The following DPYD variants were observed in gnomAD, a reference collection of about 807,000 sequenced individuals.
DPYD encodes dihydropyrimidine dehydrogenase, also known as dihydropyrimidine dehydrogenase [NADP(+)].
In DPYD, 109 loss-of-function variants were observed where a neutral mutation model predicts 116.2. The observed-to-expected ratio is 0.94, with a 90% CI of 0.80 to 1.10. The LOEUF is 1.10. Ranked by LOEUF, DPYD falls within the 50% of genes least tolerant of loss-of-function variation. DPYD has a pLI of 0.00. For synonymous variants in DPYD, 440 were observed against 432.0 expected, an observed-to-expected ratio of 1.02 and a Z score of -0.23; for missense variants, 1,302 against 1,254.5, an observed-to-expected ratio of 1.04 and a Z score of -0.57.
intron 18 of DPYD, among the ~76,000 whole-genome samples, chr1:97,275,528 G>A (rs1029066800): frequency 5.9e-5 from 9 of 152,144 alleles, no homozygotes; most frequent in South Asian, 2.1e-4. Context: ...TAAACTCTGC[G>A]TAATAGTAGT....
intron 12 of DPYD, among the ~76,000 whole-genome samples, chr1:97,529,041 C>T (rs753126631): frequency 6.6e-6 from 1 of 152,186 alleles, no homozygotes; most frequent in Non-Finnish European, 1.5e-5. Context: ...ATCATAGTCA[C>T]ATGTGCCTTC....
chr1:97,680,359 C>G (rs1017674470), intron 7 of DPYD, among the ~76,000 whole-genome samples: 2 of 152,130 alleles, frequency 1.3e-5, no homozygotes, highest in African/African-American at 4.8e-5. Flanking sequence ...ACCAGCCTGT[C>G]CCCTGCCAAC....
chr1:97,505,034 T>C (rs567274575), intron 13 of DPYD, among the ~76,000 whole-genome samples: 60 of 152,106 alleles, frequency 3.9e-4, no homozygotes, highest in Non-Finnish European at 6.0e-4. Flanking sequence ...CCTTTTAATA[T>C]TTGAAGAACA....
intron 21 of DPYD, among the ~76,000 whole-genome samples, chr1:97,091,725 A>G (rs1376015696): frequency 2.6e-5 from 4 of 152,142 alleles, no homozygotes; most frequent in Non-Finnish European, 5.9e-5. Flanking sequence ...TTTTCATTTA[A>G]AACAATGGAG....
chr1:97,647,562 A>C (rs1658339989), intron 8 of DPYD, among the ~76,000 whole-genome samples: 1 of 152,022 alleles, frequency 6.6e-6, no homozygotes, highest in Admixed American at 6.6e-5. Context: ...TTGAAGGGAA[A>C]TATATATACA....
chr1:97,565,734 A>G (rs751624142), intron 11 of DPYD, among the ~76,000 whole-genome samples: 87 of 152,182 alleles, frequency 5.7e-4, no homozygotes, highest in Non-Finnish European at 1.0e-3. Context: ...CCTGAAGGGC[A>G]ATGACTCTTT....
intron 20 of DPYD, among the ~76,000 whole-genome samples, chr1:97,138,845 CT>C (rs1416911547): frequency 1.3e-5 from 2 of 152,114 alleles, no homozygotes; most frequent in Non-Finnish European, 2.9e-5. Flanking sequence ...TCTCCTCTGG[CT>C]TTCTGTCTGC....
At chr1:97,119,510 G>A (rs1017097769) in intron 20 of DPYD, among the ~76,000 whole-genome samples, 4 of 152,164 alleles carry the variant, frequency 2.6e-5, no homozygotes, top group Admixed American at 1.3e-4. Context: ...CCACGTGGGT[G>A]AACATGGGCC....
At chr1:97,465,747 T>C (rs965411008) in intron 13 of DPYD, among the ~76,000 whole-genome samples, 3 of 152,166 alleles carry the variant, frequency 2.0e-5, no homozygotes, top group Non-Finnish European at 4.4e-5. Flanking sequence ...GTCCCGGGTA[T>C]GTCTTTATTA....
chr1:97,320,229 C>G (rs1280205718), intron 16 of DPYD, among the ~76,000 whole-genome samples: 2 of 140,918 alleles, frequency 1.4e-5, no homozygotes, highest in East Asian at 4.3e-4. Context: ...GAAGTTCTGG[C>G]CAGGGCAATC....
chr1:97,117,404 T>C (rs1395584716), intron 20 of DPYD, among the ~76,000 whole-genome samples: 1 of 152,190 alleles, frequency 6.6e-6, no homozygotes, highest in East Asian at 1.9e-4. Context: ...AAAGCTTTTT[T>C]ATTGCTATAT....
intron 1 of DPYD, 114 bp from the exon 2 acceptor site, chr1:97,883,488 C>T (rs1004732534): frequency 1.2e-6 from 1 of 839,740 alleles, no homozygotes; most frequent in Non-Finnish European, 1.9e-6. Context: ...ACTTTGTCAC[C>T]CAGGCTGGAG....
At chr1:97,452,931 G>A (rs570367562) in intron 13 of DPYD, among the ~76,000 whole-genome samples, 8 of 152,006 alleles carry the variant, frequency 5.3e-5, no homozygotes, top group South Asian at 2.1e-4. Context: ...TAGCAAAAAC[G>A]GGCCTTTATT....
chr1:97,222,345 C>T (rs2101894630), intron 19 of DPYD, among the ~76,000 whole-genome samples: 1 of 152,194 alleles, frequency 6.6e-6, no homozygotes, highest in African/African-American at 2.4e-5. Flanking sequence ...CATGATTATT[C>T]TCTAACTTGA....
chr1:97,405,470 T>C (rs946892239), intron 14 of DPYD, among the ~76,000 whole-genome samples: 3 of 152,066 alleles, frequency 2.0e-5, no homozygotes, highest in East Asian at 1.9e-4. Flanking sequence ...TAATTCTACA[T>C]TGGTGAGTTT....
intron 20 of DPYD, among the ~76,000 whole-genome samples, chr1:97,103,009 A>G (rs1222331931): frequency 2.6e-5 from 4 of 152,080 alleles, no homozygotes; most frequent in African/African-American, 7.2e-5. Flanking sequence ...AATAAAAAAT[A>G]TGGGAGCAGT....
intron 19 of DPYD, among the ~76,000 whole-genome samples, chr1:97,221,508 G>GT (rs1311391890): frequency 2.1e-4 from 32 of 151,962 alleles, no homozygotes; most frequent in Non-Finnish European, 1.8e-4. Flanking sequence ...TGAAAAAATA[G>GT]AAGATAATAT....
intron 15 of DPYD, among the ~76,000 whole-genome samples, chr1:97,376,883 GTGTGTA>G (rs1276655080): frequency 2.0e-5 from 2 of 99,206 alleles, no homozygotes; most frequent in Non-Finnish European, 4.4e-5. Context: ...GTGTGTGTGT[GTGTGTA>G]TATATATATA....
intron 16 of DPYD, among the ~76,000 whole-genome samples, chr1:97,355,574 C>T (rs1335449781): frequency 6.6e-6 from 1 of 152,162 alleles, no homozygotes; most frequent in Non-Finnish European, 1.5e-5. Context: ...CATCTTCTCC[C>T]TATTCTCCCC....
Sources: gnomAD v4.1 joint callset for allele counts (sites outside exome capture counted in the v4.1 genomes callset) on GRCh38, gnomAD v4.1.1 for gene constraint, MANE v1.5 for transcripts, NCBI Gene and HGNC (gene_info 2026-07-23, HGNC 2026-07-21) for gene names.